NR3C2: variants seen among roughly 807,000 people sequenced by gnomAD.
The protein encoded by NR3C2 is nuclear receptor subfamily 3 group C member 2.
NR3C2 carries 15 observed loss-of-function variants against 86.4 expected under a neutral mutation model. The observed-to-expected ratio is 0.17, with a 90% CI of 0.12 to 0.27. NR3C2 has a LOEUF of 0.27. Ranked by LOEUF, NR3C2 falls within the 10% of genes least tolerant of loss-of-function variation. The pLI is 1.00. For synonymous variants in NR3C2, 458 were observed against 450.5 expected, an observed-to-expected ratio of 1.02 and a Z score of -0.21; for missense variants, 960 against 1,195.6, an observed-to-expected ratio of 0.80 and a Z score of 2.91.
At chr4:148,440,266 C>CT (rs1750272566) in intron 1 of NR3C2, among the ~76,000 whole-genome samples, 2 of 152,282 alleles carry the variant, frequency 1.3e-5, no homozygotes, top group East Asian at 3.9e-4. Context: ...TTAGTCTTTT[C>CT]TGTAAACAAA....
intron 3 of NR3C2, among the ~76,000 whole-genome samples, chr4:148,229,598 G>T (rs1440436626): frequency 1.3e-5 from 2 of 152,232 alleles, no homozygotes; most frequent in African/African-American, 4.8e-5. Flanking sequence ...TACAGTTAGA[G>T]AGTACTGACA....
intron 8 of NR3C2, among the ~76,000 whole-genome samples, chr4:148,111,193 C>G (rs1028701952): frequency 1.3e-5 from 2 of 152,154 alleles, no homozygotes; most frequent in African/African-American, 2.4e-5. Context: ...AGGCACTTCA[C>G]CAAAGAAGAT....
chr4:148,325,837 T>C (rs1165853259), intron 2 of NR3C2, among the ~76,000 whole-genome samples: 1 of 152,230 alleles, frequency 6.6e-6, no homozygotes, highest in Admixed American at 6.5e-5. Flanking sequence ...ACAGTAGATG[T>C]TATCCAATAT....
chr4:148,280,721 T>G (rs1194553357), intron 2 of NR3C2, among the ~76,000 whole-genome samples: 1 of 152,102 alleles, frequency 6.6e-6, no homozygotes, highest in Non-Finnish European at 1.5e-5. Context: ...TCCAGGCTGG[T>G]CTTGAATTCC....
At chr4:148,235,740 G>A (rs991590039) in intron 3 of NR3C2, among the ~76,000 whole-genome samples, 4 of 147,402 alleles carry the variant, frequency 2.7e-5, no homozygotes, top group South Asian at 4.4e-4. Flanking sequence ...TAGGAGAAGA[G>A]TGTTTTGTTG....
chr4:148,406,913 G>A (rs544438876), intron 2 of NR3C2, among the ~76,000 whole-genome samples: 3 of 152,294 alleles, frequency 2.0e-5, no homozygotes, highest in East Asian at 3.9e-4. Context: ...GTGAATTTAA[G>A]CTGCGTAATT....
chr4:148,220,631 C>T (rs960724257), intron 3 of NR3C2, among the ~76,000 whole-genome samples: 5 of 152,052 alleles, frequency 3.3e-5, no homozygotes, highest in African/African-American at 4.8e-5. Flanking sequence ...CATAGCGAGA[C>T]GCTGTCTCTA....
intron 6 of NR3C2, among the ~76,000 whole-genome samples, chr4:148,143,947 C>CAAAA (rs67177081): frequency 2.8e-4 from 18 of 64,394 alleles, no homozygotes; most frequent in South Asian, 9.4e-4. Context: ...AACTCTGTCT[C>CAAAA]AAAAAAAAAA....
chr4:148,440,807 A>G (rs1415518880), intron 1 of NR3C2, among the ~76,000 whole-genome samples: 1 of 152,248 alleles, frequency 6.6e-6, no homozygotes, highest in African/African-American at 2.4e-5. Flanking sequence ...GGGAATATTA[A>G]CAAAGATCCT....
intron 3 of NR3C2, among the ~76,000 whole-genome samples, chr4:148,197,992 G>T (rs951102688): frequency 6.6e-6 from 1 of 151,878 alleles, no homozygotes; most frequent in African/African-American, 2.4e-5. Context: ...TTGGGCATAA[G>T]GCAGCCATTC....
chr4:148,113,741 C>T (rs1732145744), intron 8 of NR3C2, among the ~76,000 whole-genome samples: 1 of 152,190 alleles, frequency 6.6e-6, no homozygotes, highest in African/African-American at 2.4e-5. Context: ...CTATAGAGGA[C>T]ATCCGAATCC....
chr4:148,415,614 G>A (rs761043840), intron 2 of NR3C2, among the ~76,000 whole-genome samples: 7 of 152,072 alleles, frequency 4.6e-5, no homozygotes, highest in African/African-American at 9.7e-5. Flanking sequence ...CCCTCCACCC[G>A]TCTGTCTAGG....
At chr4:148,409,490 T>C (rs1748588086) in intron 2 of NR3C2, among the ~76,000 whole-genome samples, 1 of 152,176 alleles carries the variant, frequency 6.6e-6, no homozygotes, top group Admixed American at 6.5e-5. Flanking sequence ...CTTGTCATAA[T>C]GTTATCTTTG....
intron 3 of NR3C2, among the ~76,000 whole-genome samples, chr4:148,205,515 CTGTT>C (rs1579010665): frequency 6.6e-6 from 1 of 152,150 alleles, no homozygotes; most frequent in East Asian, 1.9e-4. Flanking sequence ...TAAATATGTT[CTGTT>C]TGTTAAGTTA....
intron 2 of NR3C2, among the ~76,000 whole-genome samples, chr4:148,343,402 C>A (rs535458017): frequency 5.3e-5 from 8 of 151,728 alleles, no homozygotes; most frequent in Non-Finnish European, 1.0e-4. Flanking sequence ...GATATCCGCC[C>A]CCCCGACCCC....
At position 148,164,384 on chromosome 4, in the gene NR3C2, T is replaced by A. The variant is rs559995728; in HGVS notation, c.2015-9483A>T. ...CTGAGCTCCATTGCAACTGGTAACT[T>A]CTTCAGACAAATATATCATTATTTA... On this transcript the variant is annotated intron_variant, in intron 4 of 8. Coordinates refer to ENST00000358102, the MANE Select transcript of NR3C2 (RefSeq NM_000901.5). Among the ~76,000 whole-genome samples, 12 of 152,348 alleles carry A rather than the reference T, an allele frequency of 7.9e-5. No individual in the cohort carries two copies. The East Asian group carries it at 2.3e-3, about 29-fold the overall frequency.
chr4:148,253,241 A>C (rs1393940997), intron 3 of NR3C2, among the ~76,000 whole-genome samples: 1 of 152,204 alleles, frequency 6.6e-6, no homozygotes, highest in African/African-American at 2.4e-5. Context: ...CTGGTTTGCA[A>C]ACCAGATTCC....
chr4:148,426,777 C>T (rs1749555011), intron 2 of NR3C2, among the ~76,000 whole-genome samples: 1 of 152,140 alleles, frequency 6.6e-6, no homozygotes, highest in South Asian at 2.1e-4. Context: ...CTAACAGCAT[C>T]CACAGGGACT....
At chr4:148,232,240 T>C (rs1738504048) in intron 3 of NR3C2, among the ~76,000 whole-genome samples, 1 of 152,238 alleles carries the variant, frequency 6.6e-6, no homozygotes, top group African/African-American at 2.4e-5. Flanking sequence ...TGCACGGCAG[T>C]GATTGCCTTA....
Sources: allele counts gnomAD v4.1 joint callset (sites outside exome capture counted in the v4.1 genomes callset), GRCh38; gene constraint gnomAD v4.1.1; transcripts MANE v1.5; gene names NCBI Gene and HGNC (gene_info 2026-07-23, HGNC 2026-07-21).